Variants in MTF2 observed in about 807,000 individuals in gnomAD.
MTF2 encodes metal response element binding transcription factor 2.
MTF2 carries 11 observed loss-of-function variants against 79.5 expected under a neutral mutation model. The ratio of observed to expected loss-of-function variants is 0.14; its 90% CI spans 0.09 to 0.23. The LOEUF is 0.23. Among genes scored for constraint, MTF2 ranks in the 10% least tolerant of loss-of-function variants. MTF2 has a pLI of 1.00. For missense variants in MTF2, 486 were observed against 711.2 expected (o/e 0.68, Z 3.60); for synonymous variants, 208 against 232.8 (o/e 0.89, Z 0.97).
At position 93,085,583 on chromosome 1, in the gene MTF2, C is replaced by G. The variant is rs971228948; in HGVS notation, c.5+6052C>G. Among the ~76,000 whole-genome samples, 49 of 151,286 alleles carry G rather than the reference C, an allele frequency of 3.2e-4. 1 individual carries two copies. The highest frequency in any genetic ancestry group is 1.3e-4 in the Non-Finnish European group (9 of 67,910). ...CTCACTGTACCCTCAAACTCCCGGGCTCAAGTGATCCTTCCACCTCAGCCT... is the reference window on the plus strand; with the variant it reads ...CTCACTGTACCCTCAAACTCCCGGGGTCAAGTGATCCTTCCACCTCAGCCT... On this transcript the variant is annotated intron_variant, in intron 1 of 14. Transcript: ENST00000370298.
At chr1:93,105,449 C>G (rs1333170578) in intron 1 of MTF2, among the ~76,000 whole-genome samples, 1 of 152,168 alleles carries the variant, frequency 6.6e-6, no homozygotes, top group Non-Finnish European at 1.5e-5. Context: ...AATGCTGGCT[C>G]TGGTTTGTAT....
chr1:93,090,234 C>G (rs1386550626), intron 1 of MTF2, among the ~76,000 whole-genome samples: 3 of 152,184 alleles, frequency 2.0e-5, no homozygotes, highest in Non-Finnish European at 4.4e-5. Flanking sequence ...CCTCAGCCTC[C>G]CAAAGTGCTG....
chr1:93,130,679 T>G (rs888684927), intron 11 of MTF2, among the ~76,000 whole-genome samples: 2 of 152,104 alleles, frequency 1.3e-5, no homozygotes, highest in African/African-American at 2.4e-5. Flanking sequence ...AGGTGAGAGA[T>G]AGATGATATG....
chr1:93,098,041 G>A (rs1655369657), intron 1 of MTF2, among the ~76,000 whole-genome samples: 1 of 152,102 alleles, frequency 6.6e-6, no homozygotes, highest in Non-Finnish European at 1.5e-5. Context: ...AGACAAAGAG[G>A]CAATGTCTCT....
chr1:93,101,595 T>TTTTTTTTTTTG, intron 1 of MTF2, among the ~76,000 whole-genome samples: 1 of 135,550 alleles, frequency 7.4e-6, no homozygotes, highest in Non-Finnish European at 1.6e-5. Flanking sequence ...TTTTTTTTTT[T>TTTTTTTTTTTG]TTGAGACAGG....
intron 2 of MTF2, 27 bp from the exon 3 acceptor site, chr1:93,110,518 A>G: frequency 6.2e-7 from 1 of 1,601,496 alleles, no homozygotes; most frequent in South Asian, 1.1e-5. Flanking sequence ...TTAAGAGATC[A>G]CCGTTAAGTA....
intron 1 of MTF2, 139 bp downstream of exon 1, chr1:93,079,670 C>A (rs1327289864): frequency 1.9e-6 from 2 of 1,071,194 alleles, no homozygotes; most frequent in Admixed American, 4.1e-5. Flanking sequence ...GGTGCCTTTG[C>A]ATTTATGTGT....
chr1:93,123,210 CTTTTTTTT>C (rs749700655), intron 9 of MTF2, among the ~76,000 whole-genome samples: 17 of 94,238 alleles, frequency 1.8e-4, no homozygotes, highest in African/African-American at 6.3e-4. Context: ...TCAGCTCTTT[CTTTTTTTT>C]TTTTTTTTTT....
intron 1 of MTF2, among the ~76,000 whole-genome samples, chr1:93,102,501 A>C (rs1402353363): frequency 6.6e-6 from 1 of 152,082 alleles, no homozygotes; most frequent in African/African-American, 2.4e-5. Flanking sequence ...CTGAAGTGGG[A>C]GGATCCCTTG....
chr1:93,107,310 C>T (rs1056977824), intron 1 of MTF2, among the ~76,000 whole-genome samples: 4 of 152,014 alleles, frequency 2.6e-5, no homozygotes, highest in African/African-American at 7.3e-5. Flanking sequence ...TTGCAACGTC[C>T]GCCTCCCAGG....
intron 6 of MTF2, among the ~76,000 whole-genome samples, chr1:93,118,109 G>GT (rs1467318682): frequency 6.6e-6 from 1 of 152,126 alleles, no homozygotes; most frequent in African/African-American, 2.4e-5. Flanking sequence ...AAGTAGTAGT[G>GT]TATCTTTCAA....
intron 1 of MTF2, among the ~76,000 whole-genome samples, chr1:93,095,908 C>T (rs1450708023): frequency 1.3e-5 from 2 of 152,100 alleles, no homozygotes; most frequent in African/African-American, 4.8e-5. Context: ...CCCACCTTGA[C>T]CTCCCAAAGT....
At chr1:93,100,983 A>G (rs987951527) in intron 1 of MTF2, among the ~76,000 whole-genome samples, 2 of 152,152 alleles carry the variant, frequency 1.3e-5, no homozygotes, top group Admixed American at 6.5e-5. Context: ...CATATTTACT[A>G]CTTTTCCCAG....
chr1:93,082,948 G>C (rs896233386), intron 1 of MTF2, among the ~76,000 whole-genome samples: 1 of 152,162 alleles, frequency 6.6e-6, no homozygotes, highest in Non-Finnish European at 1.5e-5. Flanking sequence ...CATGTAAATG[G>C]AGTAGTACAA....
At chr1:93,136,383 G>A (rs1001403250) in intron 14 of MTF2, among the ~76,000 whole-genome samples, 5 of 152,092 alleles carry the variant, frequency 3.3e-5, no homozygotes, top group Admixed American at 2.0e-4. Context: ...GGGCCTCTTC[G>A]TAAGAATTTT....
chr1:93,122,521 C>A (rs1656523542), intron 9 of MTF2, among the ~76,000 whole-genome samples: 1 of 152,040 alleles, frequency 6.6e-6, no homozygotes. Flanking sequence ...GTCCCAGCTC[C>A]AACTGAACTT....
At position 93,134,129 on chromosome 1, in the gene MTF2, A is replaced by G; in HGVS notation, c.1358A>G (p.Asp453Gly). Reference sequence around the variant, plus strand: ...ACTGCACATTCATCCAATACCTCAGATGTGGATTTCACGGGTGCTTCCAGT... The same window carrying G: ...ACTGCACATTCATCCAATACCTCAGGTGTGGATTTCACGGGTGCTTCCAGT... ...EGTAHSSNTS[D>G]VDFTGASSAK... Residue 453 changes from aspartate to glycine, a missense_variant, in exon 14 of 15, where the codon GAT (aspartate) becomes GGT (glycine). Asp to Gly is a moderately conservative substitution (Grantham distance 94). Coordinates refer to ENST00000370298, the MANE Select transcript of MTF2 (RefSeq NM_007358.4). 1 of 1,613,736 alleles carries G rather than the reference A, an allele frequency of 6.2e-7. No homozygotes were observed. Among genetic ancestry groups the G allele is most frequent in the Non-Finnish European group, 8.5e-7 (1 of 1,179,760 alleles).
intron 3 of MTF2, among the ~76,000 whole-genome samples, chr1:93,113,526 GTAA>G (rs1341165732): frequency 6.6e-6 from 1 of 152,130 alleles, no homozygotes; most frequent in Non-Finnish European, 1.5e-5. Context: ...CGAGAGTAGA[GTAA>G]TAATGAAGTA....
rs1647448789 is a variant in MTF2 at position 93,137,479 on chromosome 1, G to A, written c.*452G>A. The A allele has an allele frequency of 6.4e-6, 1 of 156,730 alleles. No individual in the cohort carries two copies. The highest frequency in any genetic ancestry group is 6.2e-5 in the Admixed American group (1 of 16,204). 9.7% of individuals were successfully genotyped at this position (156,730 alleles called of 1,614,324 possible). A position where few individuals can be genotyped will look rare whatever the true frequency, so the allele number is the denominator to read the frequency against. ...TACCTTTTAGATTTCATAAAGTGCA[G>A]TGTATATAATGCCTACTGAAAGACT... On this transcript the variant is annotated 3_prime_UTR_variant, in exon 15 of 15. Coordinates refer to ENST00000370298, the MANE Select transcript of MTF2 (RefSeq NM_007358.4).
Sources: allele counts gnomAD v4.1 joint callset (sites outside exome capture counted in the v4.1 genomes callset), GRCh38; gene constraint gnomAD v4.1.1; transcripts MANE v1.5; gene names NCBI Gene and HGNC (gene_info 2026-07-23, HGNC 2026-07-21).